TSHR: variants seen among roughly 807,000 people sequenced by gnomAD.
TSHR encodes the protein thyrotropin receptor.
TSHR carries 51 observed loss-of-function variants against 64.1 expected under a neutral mutation model. The ratio of observed to expected loss-of-function variants is 0.80; its 90% CI spans 0.64 to 1.01. The LOEUF is 1.01. Among genes scored for constraint, TSHR ranks in the 50% least tolerant of loss-of-function variants. The pLI is 0.00. For missense variants in TSHR, 877 were observed against 942.8 expected, an observed-to-expected ratio of 0.93 and a Z score of 0.91; for synonymous variants, 361 against 361.9, an observed-to-expected ratio of 1.00 and a Z score of 0.03.
rs774590337 is a variant in TSHR at position 81,143,740 on chromosome 14, G to C, written c.1682G>C (p.Ser561Thr). 1.9e-6 allele frequency: 3 copies of C among 1,614,174 alleles called. No homozygotes were observed. Among genetic ancestry groups the C allele is most frequent in the East Asian group, 2.2e-5 (1 of 44,872 alleles). ...GCCCTGCTTCCTTTGGTGGGAATAA[G>C]TAGCTATGCCAAAGTCAGTATCTGC... is the stretch of plus-strand genomic sequence containing the variant. ...LLALLPLVGI[S>T]SYAKVSICLP... Residue 561 changes from serine to threonine, a missense_variant, in exon 10 of 10, where the codon AGT (serine) becomes ACT (threonine). By Grantham distance (58) the Ser-to-Thr change is moderately conservative. Transcript: ENST00000298171.
chr14:81,143,910 A>G lies in TSHR; in HGVS notation c.1852A>G (p.Lys618Glu). The change falls in exon 10 of 10, where the codon AAA becomes GAA. Residue 618 changes from lysine (K) to glutamate (E), a missense_variant. Lys to Glu is a moderately conservative substitution (Grantham distance 56). Coordinates refer to ENST00000298171, the MANE Select transcript of TSHR (RefSeq NM_000369.5). ...AAATCCGCAGTACAACCCAGGGGAC[A>G]AAGATACCAAAATTGCCAAGAGGAT... ...VRNPQYNPGDKDTKIAKRMAV... is the reference protein window; with the variant it reads ...VRNPQYNPGDEDTKIAKRMAV... The G allele has an allele frequency of 6.2e-7, 1 of 1,614,218 alleles. No homozygotes were observed. The highest frequency in any genetic ancestry group is 8.5e-7 in the Non-Finnish European group (1 of 1,180,044).
chr14:80,963,007 A>G (rs936234431), intron 1 of TSHR, among the ~76,000 whole-genome samples: 1 of 152,246 alleles, frequency 6.6e-6, no homozygotes, highest in African/African-American at 2.4e-5. Context: ...CTATACAAGT[A>G]AACTTATTAA....
intron 7 of TSHR, among the ~76,000 whole-genome samples, chr14:81,102,443 A>C (rs186227239): frequency 1.3e-5 from 2 of 152,328 alleles, no homozygotes; most frequent in East Asian, 3.9e-4. Flanking sequence ...TGACATTTTT[A>C]TGTTAAGTAT....
intron 1 of TSHR, among the ~76,000 whole-genome samples, chr14:81,042,506 G>T (rs1884970041): frequency 6.6e-6 from 1 of 152,114 alleles, no homozygotes; most frequent in African/African-American, 2.4e-5. Flanking sequence ...TAATCTAGAG[G>T]ATGTGATGTT....
chr14:81,111,832 T>C (rs1357635586), intron 8 of TSHR, among the ~76,000 whole-genome samples: 1 of 152,206 alleles, frequency 6.6e-6, no homozygotes, highest in Non-Finnish European at 1.5e-5. Context: ...ATTAATATGG[T>C]ACCCAATAAA....
intron 1 of TSHR, among the ~76,000 whole-genome samples, chr14:81,037,815 G>A (rs11159488): frequency 0.24 from 36,903 of 151,472 alleles, 4,576 homozygotes; most frequent in South Asian, 0.33. Flanking sequence ...CAACACTAGA[G>A]CATATATAAA....
intron 1 of TSHR, among the ~76,000 whole-genome samples, chr14:80,999,161 A>G (rs1263727312): frequency 6.6e-6 from 1 of 152,230 alleles, no homozygotes; most frequent in East Asian, 1.9e-4. Context: ...AGAATCTCCT[A>G]TACCTGATTC....
At chr14:80,983,297 T>C (rs1263000181) in intron 1 of TSHR, 1 of 1,164,802 alleles carries the variant, frequency 8.6e-7, no homozygotes, top group East Asian at 2.4e-5. Context: ...AACTGACTAC[T>C]GATTTTGTCC....
intron 1 of TSHR, chr14:81,053,367 G>A (rs1346929278): frequency 6.6e-6 from 1 of 152,172 alleles, no homozygotes; most frequent in Non-Finnish European, 1.5e-5. Flanking sequence ...ACGAAATAAT[G>A]TTTAAGCAAA....
intron 8 of TSHR, among the ~76,000 whole-genome samples, chr14:81,123,147 A>G (rs991131627): frequency 6.6e-6 from 1 of 151,858 alleles, no homozygotes; most frequent in Non-Finnish European, 1.5e-5. Context: ...AAAAATTAAC[A>G]CTTAATTTAA....
chr14:81,040,288 G>A (rs986423760), intron 1 of TSHR, among the ~76,000 whole-genome samples: 8 of 151,702 alleles, frequency 5.3e-5, no homozygotes, highest in Middle Eastern at 3.2e-3. Context: ...AGTAGACCCC[G>A]TCTTTCATCA....
At chr14:81,023,603 C>T (rs777706589) in intron 1 of TSHR, among the ~76,000 whole-genome samples, 3 of 152,182 alleles carry the variant, frequency 2.0e-5, no homozygotes, top group South Asian at 2.1e-4. Flanking sequence ...TCAAAAGAAC[C>T]TTAAATGGCA....
At chr14:81,077,055 C>T (rs1282584462) in intron 3 of TSHR, among the ~76,000 whole-genome samples, 2 of 152,114 alleles carry the variant, frequency 1.3e-5, no homozygotes, top group Non-Finnish European at 2.9e-5. Flanking sequence ...GCCTAGTTAA[C>T]TCTACTGATT....
In TSHR at chr14:81,037,448, A is replaced by AAAAAAAC. The variant is rs1273226258; in HGVS notation, c.171-24698_171-24697insAAAACAA. 6.2e-4 allele frequency among the ~76,000 whole-genome samples: 79 copies of AAAAAAAC among 128,344 alleles called. 1 individual carries two copies. Among genetic ancestry groups the AAAAAAAC allele is most frequent in the Non-Finnish European group, 9.8e-4 (53 of 54,256 alleles). The allele number at this position is 128,344 out of a possible 152,430, so 84.2% of individuals were successfully genotyped here. ...ACAAACAAACAAACAAACAAACAAAAAACAGAAAATGATCTAACAAAATGT... is the reference window on the plus strand; with the variant it reads ...ACAAACAAACAAACAAACAAACAAAAAAAAAACAACAGAAAATGATCTAACAAAATGT... On this transcript the variant is annotated intron_variant, in intron 1 of 9. Coordinates refer to ENST00000298171, the MANE Select transcript of TSHR (RefSeq NM_000369.5).
intron 7 of TSHR, chr14:81,105,209 G>C (rs899309522): frequency 1.0e-6 from 1 of 985,260 alleles, no homozygotes; most frequent in Non-Finnish European, 1.2e-6. Context: ...GTAAGTCATG[G>C]TCAAGGAATC....
At chr14:81,002,342 A>T (rs1889365564) in intron 1 of TSHR, among the ~76,000 whole-genome samples, 1 of 152,058 alleles carries the variant, frequency 6.6e-6, no homozygotes, top group Admixed American at 6.6e-5. Flanking sequence ...CTGAATTCAA[A>T]TCCTATCTCT....
chr14:81,006,169 G>A (rs1283995280), intron 1 of TSHR, among the ~76,000 whole-genome samples: 1 of 152,184 alleles, frequency 6.6e-6, no homozygotes, highest in Non-Finnish European at 1.5e-5. Context: ...AGATGGTCCA[G>A]GTAGTTCCCA....
intron 1 of TSHR, among the ~76,000 whole-genome samples, chr14:81,047,648 T>C (rs1885229918): frequency 6.7e-6 from 1 of 149,994 alleles, no homozygotes; most frequent in Admixed American, 6.8e-5. Flanking sequence ...AGATGACACA[T>C]GTTTGTTCAT....
chr14:81,076,486 A>G (rs1188941318), intron 3 of TSHR, among the ~76,000 whole-genome samples: 2 of 152,174 alleles, frequency 1.3e-5, no homozygotes. Context: ...CATCTTACAC[A>G]TATCTCACGT....
Sources: gnomAD v4.1 joint callset for allele counts (sites outside exome capture counted in the v4.1 genomes callset) on GRCh38, gnomAD v4.1.1 for gene constraint, MANE v1.5 for transcripts, NCBI Gene and HGNC (gene_info 2026-07-23, HGNC 2026-07-21) for gene names.